The following CDKAL1 variants were observed in gnomAD, a reference collection of about 807,000 sequenced individuals.
CDKAL1 encodes the protein CDKAL1 threonylcarbamoyladenosine tRNA methylthiotransferase.
Under a neutral mutation model 68.2 loss-of-function variants are expected in CDKAL1, and 32 were observed. That is an observed-to-expected ratio of 0.47 (90% CI 0.35 to 0.63). The LOEUF (loss-of-function observed/expected upper bound fraction) is 0.63, where lower values mean the gene tolerates loss of function less well. Among genes scored for constraint, CDKAL1 ranks in the 30% least tolerant of loss-of-function variants. The pLI, the probability that CDKAL1 is intolerant of heterozygous loss-of-function variation, is 0.00. For synonymous variants in CDKAL1, 234 were observed against 244.3 expected (o/e 0.96, Z 0.39); for missense variants, 606 against 696.7 (o/e 0.87, Z 1.47).
intron 4 of CDKAL1, among the ~76,000 whole-genome samples, chr6:20,585,672 C>T (rs1023654007): frequency 6.6e-6 from 1 of 152,316 alleles, no homozygotes; most frequent in South Asian, 2.1e-4. Flanking sequence ...CTGGACACTA[C>T]TCCCCCTTGC....
At chr6:20,540,222 C>T (rs1763335938) in intron 2 of CDKAL1, among the ~76,000 whole-genome samples, 1 of 151,214 alleles carries the variant, frequency 6.6e-6, no homozygotes, top group Admixed American at 6.6e-5. Context: ...TACAGGCGCT[C>T]GCCACTATGC....
At chr6:21,188,276 T>C (rs1778094356) in intron 13 of CDKAL1, among the ~76,000 whole-genome samples, 1 of 152,244 alleles carries the variant, frequency 6.6e-6, no homozygotes, top group Admixed American at 6.5e-5. Context: ...ATGTTAAAAA[T>C]GTTTCATCAA....
At chr6:20,618,979 A>AT (rs1767056539) in intron 4 of CDKAL1, among the ~76,000 whole-genome samples, 1 of 152,070 alleles carries the variant, frequency 6.6e-6, no homozygotes, top group South Asian at 2.1e-4. Context: ...GCACCTGGTG[A>AT]TTTTTTCAGT....
chr6:20,878,568 C>T (rs149538228), intron 9 of CDKAL1, among the ~76,000 whole-genome samples: 2,565 of 144,154 alleles, frequency 0.018, 22 homozygotes, highest in Non-Finnish European at 0.028. Context: ...GGTGAAACCC[C>T]GTGTCTACCA....
intron 9 of CDKAL1, among the ~76,000 whole-genome samples, chr6:20,873,642 T>TA (rs1461381770): frequency 6.6e-6 from 1 of 152,162 alleles, no homozygotes; most frequent in Non-Finnish European, 1.5e-5. Flanking sequence ...GTATTTAGAA[T>TA]AGGGGCCATT....
intron 13 of CDKAL1, among the ~76,000 whole-genome samples, chr6:21,177,169 C>T (rs955854280): frequency 3.9e-5 from 6 of 152,146 alleles, no homozygotes; most frequent in African/African-American, 1.4e-4. Context: ...TGGGTATTCT[C>T]AGTTAATTTA....
intron 7 of CDKAL1, among the ~76,000 whole-genome samples, chr6:20,775,914 T>C (rs1775150290): frequency 6.6e-6 from 1 of 152,190 alleles, no homozygotes; most frequent in African/African-American, 2.4e-5. Flanking sequence ...ATTGTTGAAA[T>C]TCCCTCCTTT....
chr6:20,830,421 C>T (rs763546508), intron 8 of CDKAL1, among the ~76,000 whole-genome samples: 3 of 152,072 alleles, frequency 2.0e-5, no homozygotes, highest in Non-Finnish European at 4.4e-5. Context: ...GATGATTCAC[C>T]GTACTCTGTT....
chr6:20,589,005 AG>A (rs1765485578), intron 4 of CDKAL1, among the ~76,000 whole-genome samples: 1 of 152,204 alleles, frequency 6.6e-6, no homozygotes, highest in Non-Finnish European at 1.5e-5. Flanking sequence ...GTCTTGGTTC[AG>A]GTGATTTAAA....
chr6:21,138,100 C>T (rs1775708232), intron 13 of CDKAL1, among the ~76,000 whole-genome samples: 1 of 152,106 alleles, frequency 6.6e-6, no homozygotes, highest in Admixed American at 6.5e-5. Flanking sequence ...ATGATGATTA[C>T]ATCCCTCAAC....
intron 10 of CDKAL1, among the ~76,000 whole-genome samples, chr6:20,992,146 G>C (rs1351519321): frequency 9.6e-5 from 14 of 146,204 alleles, no homozygotes; most frequent in Admixed American, 3.5e-4. Flanking sequence ...TTGTGCCTCA[G>C]CCTCCTAAAT....
intron 5 of CDKAL1, among the ~76,000 whole-genome samples, chr6:20,699,149 AAT>A (rs1771233340): frequency 1.3e-5 from 2 of 152,138 alleles, no homozygotes. Context: ...GATATTGAGC[AAT>A]ATGTCAAAAC....
chr6:20,733,211 C>T (rs1458788171), intron 5 of CDKAL1, among the ~76,000 whole-genome samples: 1 of 152,196 alleles, frequency 6.6e-6, no homozygotes, highest in East Asian at 1.9e-4. Context: ...CCCACAGCTA[C>T]TTGCAGCTGT....
chr6:20,555,509 C>T (rs979779932), intron 4 of CDKAL1, among the ~76,000 whole-genome samples: 33 of 151,372 alleles, frequency 2.2e-4, no homozygotes, highest in African/African-American at 1.5e-4. Flanking sequence ...TTAGTGGAGA[C>T]GGGGTTTCAC....
rs568617689 is a variant in CDKAL1 at position 20,981,140 on chromosome 6, T to C, written c.910-19087T>C. Among the ~76,000 whole-genome samples the C allele has an allele frequency of 4.6e-5, 7 of 150,804 alleles. No homozygotes were observed. The East Asian group carries it at 7.7e-4, about 17-fold the overall frequency. On this transcript the variant is annotated intron_variant, in intron 10 of 15. Transcript: ENST00000274695. ...GCTGTCATGCTCTGACAAGGAAATA[T>C]TGCGTTCATTTTTGAACTTCTTTTA...
chr6:20,668,930 G>A (rs1057043508), intron 5 of CDKAL1, among the ~76,000 whole-genome samples: 1 of 152,138 alleles, frequency 6.6e-6, no homozygotes, highest in Non-Finnish European at 1.5e-5. Flanking sequence ...AGATTCAGAT[G>A]CTATGCATTT....
chr6:21,017,718 A>G (rs1051526817), intron 11 of CDKAL1, among the ~76,000 whole-genome samples: 1 of 152,130 alleles, frequency 6.6e-6, no homozygotes, highest in Admixed American at 6.6e-5. Flanking sequence ...CATTGTTATT[A>G]TTATTATAAA....
chr6:20,943,087 G>T (rs534670536), intron 9 of CDKAL1, among the ~76,000 whole-genome samples: 1 of 150,826 alleles, frequency 6.6e-6, no homozygotes, highest in Non-Finnish European at 1.5e-5. Flanking sequence ...CCTGTTTAAA[G>T]ATCTTTCTTT....
intron 8 of CDKAL1, among the ~76,000 whole-genome samples, chr6:20,798,864 TAACA>T (rs1262012600): frequency 6.9e-6 from 1 of 144,552 alleles, no homozygotes; most frequent in Non-Finnish European, 1.5e-5. Context: ...TATACATATG[TAACA>T]AACCTACACG....
Sources: gnomAD v4.1 joint callset for allele counts (sites outside exome capture counted in the v4.1 genomes callset) on GRCh38, gnomAD v4.1.1 for gene constraint, MANE v1.5 for transcripts, NCBI Gene and HGNC (gene_info 2026-07-23, HGNC 2026-07-21) for gene names.